BICD1: variants seen among roughly 807,000 people sequenced by gnomAD.
BICD1 encodes BICD cargo adaptor 1.
A neutral mutation model predicts 92.5 loss-of-function variants in BICD1; 35 were observed. That is an observed-to-expected ratio of 0.38 (90% CI 0.29 to 0.50). BICD1 has a LOEUF of 0.50. BICD1 is among the 20% of genes least tolerant of loss of function. BICD1 has a pLI of 0.93. For missense variants in BICD1, 950 were observed against 1,189.8 expected (o/e 0.80, Z 2.97); for synonymous variants, 429 against 465.1 (o/e 0.92, Z 1.00).
intron 8 of BICD1, among the ~76,000 whole-genome samples, chr12:32,344,240 C>A (rs972858028): frequency 6.6e-6 from 1 of 152,082 alleles, no homozygotes; most frequent in Admixed American, 6.6e-5. Flanking sequence ...AAGGTGGCAG[C>A]GCAGGTATGG....
chr12:32,152,193 G>A (rs141695713), intron 1 of BICD1, among the ~76,000 whole-genome samples: 2,701 of 151,976 alleles, frequency 0.018, 29 homozygotes, highest in African/African-American at 0.031. Context: ...CTGACCTCAG[G>A]TGATCCACCT....
intron 2 of BICD1, among the ~76,000 whole-genome samples, chr12:32,263,436 A>G (rs1946909061): frequency 6.7e-6 from 1 of 150,356 alleles, no homozygotes; most frequent in East Asian, 2.0e-4. Context: ...AATCCCAGCT[A>G]CTCGGGAGGC....
intron 2 of BICD1, among the ~76,000 whole-genome samples, chr12:32,275,133 G>A (rs1257717178): frequency 6.6e-6 from 1 of 151,838 alleles, no homozygotes; most frequent in Non-Finnish European, 1.5e-5. Context: ...AGTCCCCTGA[G>A]GGATTAACTT....
chr12:32,283,597 G>T (rs143559781), intron 2 of BICD1, among the ~76,000 whole-genome samples: 1 of 152,224 alleles, frequency 6.6e-6, no homozygotes. Flanking sequence ...AAGAACCACC[G>T]TTGTAGATAA....
At chr12:32,245,096 G>T (rs1336214155) in intron 2 of BICD1, among the ~76,000 whole-genome samples, 2 of 151,974 alleles carry the variant, frequency 1.3e-5, no homozygotes, top group Non-Finnish European at 2.9e-5. Flanking sequence ...TTTTTCATCT[G>T]TATAATAGGG....
At chr12:32,332,540 C>T in intron 5 of BICD1, 2 of 748,956 alleles carry the variant, frequency 2.7e-6, no homozygotes, top group South Asian at 1.2e-4. Context: ...TCAAAGAAGA[C>T]TAACACATGG....
chr12:32,372,580 A>G (rs2136338862), intron 9 of BICD1, among the ~76,000 whole-genome samples: 1 of 152,276 alleles, frequency 6.6e-6, no homozygotes, highest in South Asian at 2.1e-4. Flanking sequence ...CTCACCTTTA[A>G]CAATGTAGAA....
chr12:32,176,975 C>T (rs1174348183), intron 1 of BICD1, among the ~76,000 whole-genome samples: 5 of 151,144 alleles, frequency 3.3e-5, no homozygotes, highest in African/African-American at 1.2e-4. Context: ...ATGTTACTTA[C>T]TGTTTTTTAT....
chr12:32,241,685 AG>A (rs1359959386), intron 2 of BICD1, among the ~76,000 whole-genome samples: 2 of 152,240 alleles, frequency 1.3e-5, no homozygotes, highest in African/African-American at 4.8e-5. Context: ...GAATTCAACA[AG>A]AATTTTTATG....
At chr12:32,129,188 G>C (rs1421196414) in intron 1 of BICD1, among the ~76,000 whole-genome samples, 4 of 151,538 alleles carry the variant, frequency 2.6e-5, no homozygotes, top group Middle Eastern at 3.4e-3. Context: ...GCCTGCCTCA[G>C]CTCCCCAAAG....
chr12:32,265,601 CA>C, intron 2 of BICD1, among the ~76,000 whole-genome samples: 1 of 150,806 alleles, frequency 6.6e-6, no homozygotes, highest in African/African-American at 2.4e-5. Flanking sequence ...CCTCTAGTCT[CA>C]GCTACTTGGG....
chr12:32,166,150 T>TTTA (rs1943763712), intron 1 of BICD1, among the ~76,000 whole-genome samples: 8 of 106,964 alleles, frequency 7.5e-5, no homozygotes, highest in Admixed American at 5.0e-4. Context: ...TTATTTATTT[T>TTTA]TTGGAGCCAG....
chr12:32,352,154 G>A (rs112533724), intron 8 of BICD1, among the ~76,000 whole-genome samples: 9,469 of 151,794 alleles, frequency 0.062, 421 homozygotes, highest in Middle Eastern at 0.13. Flanking sequence ...GCAGTGAGCC[G>A]AGATCGTGCC....
intron 1 of BICD1, among the ~76,000 whole-genome samples, chr12:32,184,575 G>A (rs941900808): frequency 1.3e-5 from 2 of 152,076 alleles, no homozygotes; most frequent in Non-Finnish European, 2.9e-5. Flanking sequence ...GTGAGCCACC[G>A]CGCCCGGCCA....
At chr12:32,143,476 A>G (rs1028167231) in intron 1 of BICD1, among the ~76,000 whole-genome samples, 3 of 151,902 alleles carry the variant, frequency 2.0e-5, no homozygotes, top group African/African-American at 7.3e-5. Context: ...TGTGTGTGTG[A>G]GATTCTCCAG....
intron 8 of BICD1, among the ~76,000 whole-genome samples, chr12:32,362,894 ATTCTC>A (rs1422726146): frequency 6.6e-6 from 1 of 152,090 alleles, no homozygotes; most frequent in African/African-American, 2.4e-5. Flanking sequence ...AGACTATGAT[ATTCTC>A]CCATATTATC....
At chr12:32,158,700 C>T (rs1320737779) in intron 1 of BICD1, among the ~76,000 whole-genome samples, 1 of 152,146 alleles carries the variant, frequency 6.6e-6, no homozygotes, top group African/African-American at 2.4e-5. Flanking sequence ...GGCTTTCACA[C>T]TTATGCAGAG....
intron 8 of BICD1, among the ~76,000 whole-genome samples, chr12:32,344,812 A>G (rs1370840320): frequency 1.3e-5 from 2 of 152,142 alleles, no homozygotes; most frequent in Non-Finnish European, 2.9e-5. Context: ...CCATATCACT[A>G]AACTGTCTTT....
chr12:32,336,882 C>G (rs1171769637), intron 6 of BICD1, among the ~76,000 whole-genome samples: 1 of 152,078 alleles, frequency 6.6e-6, no homozygotes, highest in African/African-American at 2.4e-5. Context: ...GAGACTGAGG[C>G]AAGAAGATCA....
Sources: gnomAD v4.1 joint callset for allele counts (sites outside exome capture counted in the v4.1 genomes callset) on GRCh38, gnomAD v4.1.1 for gene constraint, MANE v1.5 for transcripts, NCBI Gene and HGNC (gene_info 2026-07-23, HGNC 2026-07-21) for gene names.